The following DDC variants were observed in gnomAD, a reference collection of about 807,000 sequenced individuals.
DDC encodes aromatic-L-amino-acid decarboxylase.
In DDC, 43 loss-of-function variants were observed where a neutral mutation model predicts 60.0. The ratio of observed to expected loss-of-function variants is 0.72; its 90% CI spans 0.56 to 0.92. The LOEUF is 0.92. Ranked by LOEUF, DDC falls within the 40% of genes least tolerant of loss-of-function variation. The pLI is 0.00. For synonymous variants in DDC, 232 were observed against 234.6 expected (o/e 0.99, Z 0.10); for missense variants, 573 against 620.2 (o/e 0.92, Z 0.81).
At chr7:50,507,019 T>G (rs2043417124) in intron 6 of DDC, among the ~76,000 whole-genome samples, 1 of 152,220 alleles carries the variant, frequency 6.6e-6, no homozygotes, top group Non-Finnish European at 1.5e-5. Context: ...GCACTTTGTC[T>G]AAGACACCTG....
At chr7:50,484,399 T>C (rs929340497) in intron 9 of DDC, among the ~76,000 whole-genome samples, 5 of 152,220 alleles carry the variant, frequency 3.3e-5, no homozygotes, top group East Asian at 1.9e-4. Flanking sequence ...CTCTTTTCAA[T>C]TGATGTCTGT....
intron 14 of DDC, among the ~76,000 whole-genome samples, chr7:50,462,768 G>GTTTTTTTTTTTTTTTTTTTT (rs11302809): frequency 1.0e-5 from 1 of 98,364 alleles, no homozygotes; most frequent in Non-Finnish European, 2.0e-5. Context: ...TCTTCTTCTT[G>GTTTTTTTTTTTTTTTTTTTT]TTTTTTTTTT....
At chr7:50,503,544 T>C (rs1331934406) in intron 7 of DDC, among the ~76,000 whole-genome samples, 2 of 152,134 alleles carry the variant, frequency 1.3e-5, no homozygotes, top group African/African-American at 2.4e-5. Context: ...CTAAACTACC[T>C]TCAGCAATTT....
chr7:50,492,046 G>T (rs1216569924), intron 9 of DDC, among the ~76,000 whole-genome samples: 4 of 151,710 alleles, frequency 2.6e-5, no homozygotes, highest in African/African-American at 7.3e-5. Flanking sequence ...GAGAAAATTT[G>T]GACACAGGTA....
chr7:50,547,208 CT>C (rs111652957), intron 1 of DDC, among the ~76,000 whole-genome samples: 27,246 of 148,138 alleles, frequency 0.18, 2,772 homozygotes, highest in Admixed American at 0.31. Flanking sequence ...TTTTCTTTTT[CT>C]TTTTTTTTTG....
intron 14 of DDC, among the ~76,000 whole-genome samples, chr7:50,459,227 G>A (rs1163709506): frequency 1.3e-5 from 2 of 152,232 alleles, no homozygotes; most frequent in African/African-American, 2.4e-5. Flanking sequence ...CCGAGGTGCC[G>A]GGATTGCAGA....
At chr7:50,506,371 G>A (rs1241716227) in intron 6 of DDC, among the ~76,000 whole-genome samples, 1 of 152,174 alleles carries the variant, frequency 6.6e-6, no homozygotes, top group African/African-American at 2.4e-5. Flanking sequence ...GCAGGAGTGG[G>A]GAGGGATAGC....
At chr7:50,558,520 A>G (rs192551312) in intron 1 of DDC, among the ~76,000 whole-genome samples, 3 of 152,318 alleles carry the variant, frequency 2.0e-5, no homozygotes, top group Non-Finnish European at 4.4e-5. Flanking sequence ...TGGTTGCCAC[A>G]TCCTATTGTC....
chr7:50,529,200 A>C lies in DDC; in HGVS notation c.570+8T>G, dbSNP rs1274538041. ...AAGTCTTGGCTGATACCCCCACAAC[A>C]CACTCACCTGATCGGATGAGTAAGC... On this transcript the variant is annotated splice_region_variant and intron_variant, in intron 5 of 14. Transcript: ENST00000444124. 6.2e-7 allele frequency: 1 copy of C among 1,612,760 alleles called. No homozygotes were observed. Among genetic ancestry groups the C allele is most frequent in the Non-Finnish European group, 8.5e-7 (1 of 1,179,956 alleles).
At chr7:50,479,001 T>C (rs2042709029) in intron 10 of DDC, among the ~76,000 whole-genome samples, 1 of 152,214 alleles carries the variant, frequency 6.6e-6, no homozygotes, top group Non-Finnish European at 1.5e-5. Context: ...CTTTACCTCC[T>C]CACCAGCGTT....
intron 9 of DDC, chr7:50,492,732 C>A: frequency 7.2e-7 from 1 of 1,395,124 alleles, no homozygotes; most frequent in Non-Finnish European, 9.3e-7. Context: ...CCCTGTGTGT[C>A]CTGTGTCTCT....
At chr7:50,518,818 C>T (rs1435926012) in intron 6 of DDC, among the ~76,000 whole-genome samples, 2 of 152,232 alleles carry the variant, frequency 1.3e-5, no homozygotes, top group African/African-American at 4.8e-5. Context: ...CCCTTGTAGA[C>T]ATTGGCTTAG....
intron 6 of DDC, among the ~76,000 whole-genome samples, chr7:50,518,394 A>C (rs1423071515): frequency 1.3e-5 from 2 of 152,144 alleles, no homozygotes; most frequent in African/African-American, 2.4e-5. Flanking sequence ...ACAATTCTAA[A>C]ATTCATATGA....
chr7:50,561,740 C>T (rs1367060091), intron 1 of DDC, among the ~76,000 whole-genome samples: 4 of 151,750 alleles, frequency 2.6e-5, no homozygotes, highest in African/African-American at 7.3e-5. Flanking sequence ...TGAAGGTGCA[C>T]GCAGAGTCAT....
intron 1 of DDC, among the ~76,000 whole-genome samples, chr7:50,556,808 A>T (rs6969081): frequency 0.47 from 71,567 of 152,024 alleles, 17,924 homozygotes; most frequent in African/African-American, 0.63. Flanking sequence ...AGTGGAGCTA[A>T]GCTTTCAGCA....
intron 1 of DDC, among the ~76,000 whole-genome samples, chr7:50,558,788 C>T (rs1358208203): frequency 6.6e-6 from 1 of 152,200 alleles, no homozygotes; most frequent in Admixed American, 6.5e-5. Flanking sequence ...AGAGATGAGA[C>T]CACAGGACTC....
chr7:50,510,176 C>G (rs748970961), intron 6 of DDC, among the ~76,000 whole-genome samples: 2 of 151,970 alleles, frequency 1.3e-5, no homozygotes, highest in Non-Finnish European at 2.9e-5. Context: ...GGGGTTTCAC[C>G]GTGTTAGCCA....
At chr7:50,496,102 T>A (rs1397360140) in intron 8 of DDC, among the ~76,000 whole-genome samples, 1 of 152,134 alleles carries the variant, frequency 6.6e-6, no homozygotes, top group Non-Finnish European at 1.5e-5. Flanking sequence ...TCTCTTTTTT[T>A]TTTTTTGAGC....
At chr7:50,493,420 C>CTT (rs1227228471) in intron 9 of DDC, among the ~76,000 whole-genome samples, 3 of 152,194 alleles carry the variant, frequency 2.0e-5, no homozygotes, top group African/African-American at 7.2e-5. Flanking sequence ...GGGAGAGCCA[C>CTT]TTGTTCCCGC....
Sources: allele counts gnomAD v4.1 joint callset (sites outside exome capture counted in the v4.1 genomes callset), GRCh38; gene constraint gnomAD v4.1.1; transcripts MANE v1.5; gene names NCBI Gene and HGNC (gene_info 2026-07-23, HGNC 2026-07-21).